The following SLC6A2 variants were observed in gnomAD, a reference collection of about 807,000 sequenced individuals.
The protein encoded by SLC6A2 is solute carrier family 6 member 2.
SLC6A2 carries 26 observed loss-of-function variants against 71.7 expected under a neutral mutation model. The observed-to-expected ratio is 0.36, with a 90% CI of 0.27 to 0.50. The LOEUF (loss-of-function observed/expected upper bound fraction) is 0.50. SLC6A2 is among the 20% of genes least tolerant of loss of function. The pLI is 0.96. For missense variants in SLC6A2, 581 were observed against 803.9 expected (o/e 0.72, Z 3.35); for synonymous variants, 363 against 337.9 (o/e 1.07, Z -0.82).
At position 55,703,983 on chromosome 16, in the gene SLC6A2, T is replaced by C. The variant is rs1211127400; in HGVS notation, c.*1637T>C. On this transcript the variant is annotated 3_prime_UTR_variant, in exon 15 of 15. Transcript: ENST00000568943. ...TCAGGAGACTTTGAATCTTTCTGTA[T>C]AAAAAGGTCAGCTGAATGCCTGAGA... The C allele has an allele frequency of 5.3e-6, 1 of 187,866 alleles. No homozygotes were observed. The highest frequency in any genetic ancestry group is 9.9e-6 in the Non-Finnish European group (1 of 100,782). The allele number at this position is 187,866 out of a possible 1,614,324, so 11.6% of individuals were successfully genotyped here.
At chr16:55,666,638 C>T (rs1279665804) in intron 2 of SLC6A2, among the ~76,000 whole-genome samples, 5 of 152,156 alleles carry the variant, frequency 3.3e-5, no homozygotes, top group Non-Finnish European at 7.3e-5. Flanking sequence ...AGAGAAGAGC[C>T]GCAGGCACAT....
At position 55,705,076 on chromosome 16, in the gene SLC6A2, A is replaced by G. The variant is rs1352556276; in HGVS notation, c.*2730A>G. On this transcript the variant is annotated 3_prime_UTR_variant, in exon 15 of 15. Coordinates refer to ENST00000568943, the MANE Select transcript of SLC6A2 (RefSeq NM_001172501.3). ...AAGGGTGCTGTGTACTGTATATGAC[A>G]CTTGACGCTTTTGATATTTTTTCAG... 2 of 728,976 alleles carry G rather than the reference A, an allele frequency of 2.7e-6. No homozygotes were observed. Among genetic ancestry groups the G allele is most frequent in the Admixed American group, 4.2e-5 (2 of 47,410 alleles). 45.2% of individuals were successfully genotyped at this position (728,976 alleles called of 1,614,324 possible).
rs138435822 is a variant in SLC6A2, at chr16:55,698,480, C to T, written c.1401C>T (p.Tyr467=). The T allele has an allele frequency of 2.8e-4, 446 of 1,613,494 alleles. No individual in the cohort carries two copies. The highest frequency in any genetic ancestry group is 8.2e-4 in the South Asian group (75 of 91,068). Residue 467 remains tyrosine (Y), a synonymous_variant, in exon 11 of 15, where the codon TAC becomes TAT. Transcript: ENST00000568943. Reference sequence around the variant, plus strand: ...TCTCCCTGTGCCAGGGTGGAATTTACGTCTTGACCCTCCTGGACACCTTTG... The same window carrying T: ...TCTCCCTGTGCCAGGGTGGAATTTATGTCTTGACCCTCCTGGACACCTTTG... ...ALFCITKGGI[Y]VLTLLDTFAA...
chr16:55,656,946 C>T lies in SLC6A2; in HGVS notation c.252C>T (p.Tyr84=), dbSNP rs373879766. The T allele has an allele frequency of 8.1e-6, 13 of 1,613,578 alleles. No homozygotes were observed. Among genetic ancestry groups the T allele is most frequent in the East Asian group, 2.2e-5 (1 of 44,856 alleles). ...TGGCCAACGTGTGGCGCTTCCCCTACCTCTGCTACAAGAACGGCGGCGGTG... is the reference window on the plus strand; with the variant it reads ...TGGCCAACGTGTGGCGCTTCCCCTATCTCTGCTACAAGAACGGCGGCGGTG... The part of the protein sequence containing the change: ...VDLANVWRFP[Y]LCYKNGGGAF... Residue 84 remains tyrosine (Y), a synonymous_variant, in exon 2 of 15, where the codon TAC becomes TAT. Coordinates refer to ENST00000568943, the MANE Select transcript of SLC6A2 (RefSeq NM_001172501.3). This position sits in a 1 kb window ranked among gnomAD's most constrained non-coding sequence, Gnocchi z 4.5.
At position 55,695,331 on chromosome 16, in the gene SLC6A2, T is replaced by G; in HGVS notation, c.1076T>G (p.Phe359Cys). The G allele has an allele frequency of 6.2e-7, 1 of 1,614,200 alleles. No homozygotes were observed. Among genetic ancestry groups the G allele is most frequent in the Non-Finnish European group, 8.5e-7 (1 of 1,180,020 alleles). ...INCITSFVSG[F>C]AIFSILGYMA... ...TGTATCACCAGCTTCGTCTCTGGGT[T>G]CGCCATCTTCTCCATCCTTGGTTAC... The change falls in exon 8 of 15, where the codon TTC (phenylalanine) becomes TGC (cysteine). Residue 359 changes from phenylalanine to cysteine, a missense_variant. By Grantham distance (205) the Phe-to-Cys change is radical. This residue lies in a region of SLC6A2 where 334 missense variants were observed against 449.0 expected (regional missense o/e 0.74). Transcript: ENST00000568943.
chr16:55,673,447 A>G (rs1964985712), intron 4 of SLC6A2, among the ~76,000 whole-genome samples: 1 of 152,212 alleles, frequency 6.6e-6, no homozygotes. Flanking sequence ...CTTGATTCTC[A>G]TCATACTTTT....
intron 9 of SLC6A2, among the ~76,000 whole-genome samples, chr16:55,696,907 C>A (rs2142612845): frequency 6.6e-6 from 1 of 152,218 alleles, no homozygotes; most frequent in East Asian, 1.9e-4. Flanking sequence ...TCACATGAGC[C>A]CAGGAGTTGG....
At chr16:55,664,174 G>A (rs1289047213) in intron 2 of SLC6A2, among the ~76,000 whole-genome samples, 1 of 152,084 alleles carries the variant, frequency 6.6e-6, no homozygotes, top group Non-Finnish European at 1.5e-5. Flanking sequence ...ACTCTTCTAG[G>A]GTCAGCTAAG....
intron 7 of SLC6A2, among the ~76,000 whole-genome samples, chr16:55,694,323 G>A (rs1306397297): frequency 1.3e-5 from 2 of 152,160 alleles, no homozygotes; most frequent in African/African-American, 2.4e-5. Flanking sequence ...TTAAACAAAT[G>A]TGAGGTGTGG....
chr16:55,690,494 G>A (rs926502987), intron 5 of SLC6A2, among the ~76,000 whole-genome samples: 1 of 152,120 alleles, frequency 6.6e-6, no homozygotes, highest in Non-Finnish European at 1.5e-5. Context: ...GATTCCTGGG[G>A]CTACATAGTT....
chr16:55,688,307 G>T (rs1052498778), intron 5 of SLC6A2, among the ~76,000 whole-genome samples: 1 of 152,128 alleles, frequency 6.6e-6, no homozygotes, highest in Admixed American at 6.5e-5. Flanking sequence ...GGTTGTGCTG[G>T]TCCTGGCTTG....
intron 2 of SLC6A2, among the ~76,000 whole-genome samples, chr16:55,657,842 CG>C (rs2142477719): frequency 6.6e-6 from 1 of 152,296 alleles, no homozygotes; most frequent in Non-Finnish European, 1.5e-5. Flanking sequence ...CATAGAACCC[CG>C]GGCCAGGGAA....
At chr16:55,669,507 TC>T in intron 2 of SLC6A2, 57 bp from the exon 3 acceptor site, 1 of 1,607,116 alleles carries the variant, frequency 6.2e-7, no homozygotes, top group Non-Finnish European at 8.5e-7. Flanking sequence ...CAGACACGGA[TC>T]CAAGACTGGG....
At position 55,703,959 on chromosome 16, in the gene SLC6A2, C is replaced by G. The variant is rs1473229175; in HGVS notation, c.*1613C>G. ...ATTCTATAGATAAAAGAGGGAAAAT[C>G]AGGAGACTTTGAATCTTTCTGTATA... On this transcript the variant is annotated 3_prime_UTR_variant, in exon 15 of 15. Coordinates refer to ENST00000568943, the MANE Select transcript of SLC6A2 (RefSeq NM_001172501.3). Among the ~76,000 whole-genome samples the G allele has an allele frequency of 1.2e-4, 19 of 152,124 alleles. No homozygotes were observed. Among genetic ancestry groups the G allele is most frequent in the East Asian group, 1.9e-4 (1 of 5,156 alleles).
At chr16:55,675,816 G>A (rs1243812284) in intron 4 of SLC6A2, among the ~76,000 whole-genome samples, 1 of 152,094 alleles carries the variant, frequency 6.6e-6, no homozygotes, top group Non-Finnish European at 1.5e-5. Flanking sequence ...AAAACTTTAG[G>A]GCTCCTCTCC....
intron 12 of SLC6A2, 102 bp from the exon 13 acceptor site, chr16:55,700,037 T>C: frequency 1.0e-6 from 1 of 953,626 alleles, no homozygotes; most frequent in Non-Finnish European, 1.7e-6. Context: ...TGCTCACTTC[T>C]CTTCATTTCT....
At chr16:55,681,971 A>G (rs1452512167) in intron 4 of SLC6A2, among the ~76,000 whole-genome samples, 2 of 152,152 alleles carry the variant, frequency 1.3e-5, no homozygotes, top group East Asian at 3.9e-4. Flanking sequence ...CAGTGACAAG[A>G]TCTCCGCTCA....
intron 7 of SLC6A2, 88 bp from the exon 8 acceptor site, chr16:55,695,189 CA>C (rs1483642640): frequency 1.4e-5 from 21 of 1,518,716 alleles, no homozygotes; most frequent in Non-Finnish European, 1.8e-5. Flanking sequence ...AGGCTGGGGC[CA>C]GGCTGCAGGT....
chr16:55,685,143 G>A lies in SLC6A2; in HGVS notation c.645G>A (p.Glu215=). The A allele has an allele frequency of 5.6e-6, 9 of 1,614,146 alleles. No homozygotes were observed. Among genetic ancestry groups the A allele is most frequent in the Middle Eastern group, 1.6e-4 (1 of 6,062 alleles). The change falls in exon 5 of 15, where the codon GAG becomes GAA. Residue 215 remains glutamate, a splice_region_variant and synonymous_variant. Transcript: ENST00000568943. ...GTCCCCTCCCCTCTCCTCTGGGCAG[G>A]CGTGGTGTCCTGCACCTTCACGAGA... The part of the protein sequence containing the change: ...YKFTPAAEFY[E]RGVLHLHESS...
Sources: allele counts gnomAD v4.1 joint callset (sites outside exome capture counted in the v4.1 genomes callset), GRCh38; gene constraint gnomAD v4.1.1; regional missense constraint gnomAD v4.1.1; non-coding constraint Gnocchi (gnomAD v3.1); transcripts MANE v1.5; gene names NCBI Gene and HGNC (gene_info 2026-07-23, HGNC 2026-07-21).